AMPH: variants seen among roughly 807,000 people sequenced by gnomAD.
AMPH encodes amphiphysin.
A neutral mutation model predicts 99.1 loss-of-function variants in AMPH; 49 were observed. The ratio of observed to expected loss-of-function variants is 0.49; its 90% CI spans 0.39 to 0.63. AMPH has a LOEUF of 0.63. Ranked by LOEUF, AMPH falls within the 20% of genes least tolerant of loss-of-function variation. The probability of loss-of-function intolerance (pLI) is 0.00; values close to 1 mark genes in which losing one functional copy is unlikely to be tolerated. For missense variants in AMPH, 759 were observed against 863.4 expected (o/e 0.88, Z 1.52); for synonymous variants, 314 against 317.3 (o/e 0.99, Z 0.11).
At chr7:38,467,060 C>T (rs77030812) in intron 7 of AMPH, among the ~76,000 whole-genome samples, 14,689 of 152,152 alleles carry the variant, frequency 0.097, 945 homozygotes, top group Middle Eastern at 0.19. Flanking sequence ...CATATGCATA[C>T]AAATACACAT....
chr7:38,546,190 G>T (rs193202864), intron 1 of AMPH, among the ~76,000 whole-genome samples: 1 of 152,190 alleles, frequency 6.6e-6, no homozygotes, highest in Non-Finnish European at 1.5e-5. Flanking sequence ...GCTATCTGAG[G>T]CTGCCTATGT....
intron 1 of AMPH, among the ~76,000 whole-genome samples, chr7:38,557,299 T>C (rs959385840): frequency 2.0e-5 from 3 of 152,202 alleles, no homozygotes; most frequent in Non-Finnish European, 4.4e-5. Flanking sequence ...GTGATGTGGT[T>C]TGGCAGTGTC....
intron 1 of AMPH, among the ~76,000 whole-genome samples, chr7:38,617,266 C>G (rs1280836198): frequency 1.3e-5 from 2 of 152,210 alleles, no homozygotes; most frequent in Non-Finnish European, 2.9e-5. Flanking sequence ...ATGTAGACTT[C>G]CCCTGGTCAC....
chr7:38,476,377 T>C (rs953427176), intron 6 of AMPH, among the ~76,000 whole-genome samples: 3 of 152,180 alleles, frequency 2.0e-5, no homozygotes, highest in Admixed American at 6.5e-5. Context: ...GAAGAGGGTA[T>C]AGTTAGGAGG....
intron 2 of AMPH, chr7:38,531,116 C>T (rs1184923206): frequency 1.3e-5 from 2 of 152,184 alleles, no homozygotes; most frequent in African/African-American, 4.8e-5. Context: ...CACTGATCAG[C>T]ATAGGAGTTT....
chr7:38,533,628 C>T (rs986509068), intron 2 of AMPH, among the ~76,000 whole-genome samples: 4 of 152,152 alleles, frequency 2.6e-5, no homozygotes, highest in African/African-American at 9.7e-5. Context: ...GCAAAGGGAG[C>T]AAAATAAAAC....
At chr7:38,611,039 C>T (rs1240963635) in intron 1 of AMPH, among the ~76,000 whole-genome samples, 3 of 152,160 alleles carry the variant, frequency 2.0e-5, no homozygotes, top group African/African-American at 7.2e-5. Context: ...TGGCATTATT[C>T]ACAATAGACA....
Position 38,389,875 on chromosome 7 carries a change from T to C in AMPH, c.1909A>G (p.Asn637Asp). ...CTTTGTAAGGTAAGTTCATCAGAAT[T>C]TGCTGCCTCAAAATCATGCAGTGTT... ...VETLHDFEAA[N>D]SDELTLQRGD... The change falls in exon 20 of 21, where the codon AAT becomes GAT. Residue 637 changes from asparagine to aspartate, a missense_variant. Physicochemically the swap from Asn to Asp is conservative, Grantham distance 23 (BLOSUM62 1). This residue lies in a region of AMPH where 554 missense variants were observed against 575.6 expected (regional missense o/e 0.96). Coordinates refer to ENST00000356264, the MANE Select transcript of AMPH (RefSeq NM_001635.4). 2 of 1,613,836 alleles carry C rather than the reference T, an allele frequency of 1.2e-6. No homozygotes were observed. Among genetic ancestry groups the C allele is most frequent in the Non-Finnish European group, 1.7e-6 (2 of 1,179,978 alleles).
At chr7:38,561,405 C>T (rs546486909) in intron 1 of AMPH, among the ~76,000 whole-genome samples, 28 of 152,340 alleles carry the variant, frequency 1.8e-4, no homozygotes, top group African/African-American at 6.7e-4. Flanking sequence ...CACAATGGGT[C>T]ATGCATCAGT....
At chr7:38,613,779 G>GA (rs972310925) in intron 1 of AMPH, among the ~76,000 whole-genome samples, 4 of 149,096 alleles carry the variant, frequency 2.7e-5, no homozygotes, top group African/African-American at 1.0e-4. Flanking sequence ...CCTTAGGACA[G>GA]AGGTTTAGCT....
At chr7:38,449,879 T>C (rs1786939655) in intron 11 of AMPH, among the ~76,000 whole-genome samples, 1 of 152,222 alleles carries the variant, frequency 6.6e-6, no homozygotes, top group African/African-American at 2.4e-5. Flanking sequence ...GAGAGATGCA[T>C]ATGTTCATAA....
intron 17 of AMPH, among the ~76,000 whole-genome samples, chr7:38,400,734 A>C (rs1784817893): frequency 6.6e-6 from 1 of 152,058 alleles, no homozygotes. Context: ...TTATTTACTT[A>C]TTTGCTTGTT....
chr7:38,464,088 C>T, intron 9 of AMPH: 1 of 1,289,754 alleles, frequency 7.8e-7, no homozygotes, highest in South Asian at 1.2e-5. Context: ...AGCTCACTCA[C>T]CACCTCATTC....
chr7:38,500,962 T>A (rs985528283), intron 3 of AMPH, among the ~76,000 whole-genome samples: 1 of 152,202 alleles, frequency 6.6e-6, no homozygotes, highest in African/African-American at 2.4e-5. Flanking sequence ...ACATAGTAAG[T>A]GCTCATGAAA....
chr7:38,486,662 G>A (rs1358772969), intron 5 of AMPH, among the ~76,000 whole-genome samples: 1 of 151,994 alleles, frequency 6.6e-6, no homozygotes, highest in African/African-American at 2.4e-5. Flanking sequence ...GATTAACATA[G>A]ATGCAAAAAA....
chr7:38,391,139 G>A (rs937463779), intron 19 of AMPH, among the ~76,000 whole-genome samples: 12 of 152,140 alleles, frequency 7.9e-5, no homozygotes, highest in African/African-American at 2.4e-4. Context: ...AAACACTTAG[G>A]TTAAGCCAGT....
chr7:38,525,445 CGTGTGTGTGTGTGTGT>C (rs146505083), intron 2 of AMPH, among the ~76,000 whole-genome samples: 1 of 125,420 alleles, frequency 8.0e-6, no homozygotes. Context: ...CTCATTTGTG[CGTGTGTGTGTGTGTGT>C]GTGTGTGTGT....
chr7:38,565,718 G>A (rs1252326482), intron 1 of AMPH, among the ~76,000 whole-genome samples: 2 of 151,812 alleles, frequency 1.3e-5, no homozygotes. Flanking sequence ...GGGTGGGTGG[G>A]GAGGTCACAA....
intron 11 of AMPH, among the ~76,000 whole-genome samples, chr7:38,459,036 T>TA (rs1054840557): frequency 5.1e-4 from 78 of 151,778 alleles, no homozygotes; most frequent in African/African-American, 1.6e-3. Flanking sequence ...GCAGGATATG[T>TA]AAAAAAAATC....
Sources: allele counts gnomAD v4.1 joint callset (sites outside exome capture counted in the v4.1 genomes callset), GRCh38; gene constraint gnomAD v4.1.1; regional missense constraint gnomAD v4.1.1; transcripts MANE v1.5; gene names NCBI Gene and HGNC (gene_info 2026-07-23, HGNC 2026-07-21).